Variants in ELAC1 observed in about 807,000 individuals in gnomAD.
ELAC1 encodes zinc phosphodiesterase ELAC protein 1.
A neutral mutation model predicts 25.8 loss-of-function variants in ELAC1; 19 were observed. The ratio of observed to expected loss-of-function variants is 0.74; its 90% CI spans 0.51 to 1.08. The LOEUF (loss-of-function observed/expected upper bound fraction) is 1.08. ELAC1 is among the 50% of genes least tolerant of loss of function. The pLI is 0.00. For synonymous variants in ELAC1, 148 were observed against 160.9 expected (o/e 0.92, Z 0.61); for missense variants, 403 against 434.6 (o/e 0.93, Z 0.65).
chr18:50,978,239 G>A (rs1377089170), intron 2 of ELAC1, among the ~76,000 whole-genome samples: 4 of 151,902 alleles, frequency 2.6e-5, no homozygotes, highest in Non-Finnish European at 4.4e-5. Context: ...ACATTTTCAG[G>A]TATCCTTATA....
intron 2 of ELAC1, among the ~76,000 whole-genome samples, chr18:50,982,825 T>C (rs1015392868): frequency 6.6e-6 from 1 of 152,156 alleles, no homozygotes; most frequent in Non-Finnish European, 1.5e-5. Context: ...TTCCCTCTCC[T>C]ACCTCCCTTC....
At chr18:50,986,380 G>A (rs1454539441) in intron 3 of ELAC1, among the ~76,000 whole-genome samples, 1 of 152,180 alleles carries the variant, frequency 6.6e-6, no homozygotes, top group Admixed American at 6.6e-5. Context: ...TGATACTTAG[G>A]AGACTAAAAC....
chr18:50,986,413 A>T (rs1337774655), intron 3 of ELAC1, among the ~76,000 whole-genome samples: 2 of 152,212 alleles, frequency 1.3e-5, no homozygotes, highest in South Asian at 2.1e-4. Flanking sequence ...TATGCATGGG[A>T]AATGTTTCAA....
At chr18:50,969,704 A>G (rs1051342226) in intron 1 of ELAC1, 2 of 152,216 alleles carry the variant, frequency 1.3e-5, no homozygotes, top group Non-Finnish European at 2.9e-5. Flanking sequence ...TTGTCTTATC[A>G]AGTATTCTTG....
intron 2 of ELAC1, among the ~76,000 whole-genome samples, chr18:50,980,839 T>C (rs1397332820): frequency 6.6e-6 from 1 of 151,830 alleles, no homozygotes; most frequent in African/African-American, 2.4e-5. Flanking sequence ...GCATTACCTG[T>C]GACTCTCTAG....
At chr18:50,972,606 T>C (rs1344597631) in intron 1 of ELAC1, among the ~76,000 whole-genome samples, 2 of 152,088 alleles carry the variant, frequency 1.3e-5, no homozygotes. Flanking sequence ...CTCAGCCTCC[T>C]GAAGTAGCTG....
intron 3 of ELAC1, 49 bp downstream of exon 3, chr18:50,984,612 G>T (rs181382641): frequency 1.5e-6 from 2 of 1,313,386 alleles, no homozygotes; most frequent in Admixed American, 3.8e-5. Flanking sequence ...CATCAATAGG[G>T]CTCCTGTTGA....
At chr18:50,974,356 C>T (rs368761982) in intron 1 of ELAC1, 41 bp from the exon 2 acceptor site, 3 of 1,478,682 alleles carry the variant, frequency 2.0e-6, no homozygotes, top group African/African-American at 1.4e-5. Context: ...GTTTTTGGTA[C>T]AGTGATATGA....
rs1225120871 is a variant in ELAC1 at position 50,984,226 on chromosome 18, T to C, written c.288T>C (p.Pro96=). 1.2e-6 allele frequency: 2 copies of C among 1,614,078 alleles called. No individual in the cohort carries two copies. The highest frequency in any genetic ancestry group is 2.7e-5 in the African/African-American group (2 of 74,942). The part of the protein sequence containing the change: ...VSKQPIEIYG[P]VGLRDFIWRT... ...AACAGCCTATTGAAATCTATGGCCCTGTAGGGCTTCGGGACTTTATCTGGC... is the reference window on the plus strand; with the variant it reads ...AACAGCCTATTGAAATCTATGGCCCCGTAGGGCTTCGGGACTTTATCTGGC... Residue 96 remains proline (P), a synonymous_variant, in exon 3 of 4, where the codon CCT becomes CCC. Coordinates refer to ENST00000269466, the MANE Select transcript of ELAC1 (RefSeq NM_018696.3).
intron 2 of ELAC1, among the ~76,000 whole-genome samples, chr18:50,977,417 C>T (rs773462512): frequency 9.1e-4 from 139 of 152,360 alleles, no homozygotes; most frequent in Non-Finnish European, 1.6e-3. Flanking sequence ...AACACCACAT[C>T]TAAGCTGCTA....
chr18:50,982,677 A>G (rs1184739514), intron 2 of ELAC1, among the ~76,000 whole-genome samples: 1 of 152,242 alleles, frequency 6.6e-6, no homozygotes, highest in Non-Finnish European at 1.5e-5. Context: ...CTAAGCCAAT[A>G]TGCACTGAAA....
rs1054232292 is a variant in ELAC1, at chr18:50,988,106, G to C, written c.*1021G>C. 3 of 152,160 alleles carry C rather than the reference G, an allele frequency of 2.0e-5. No homozygotes were observed. The highest frequency in any genetic ancestry group is 2.0e-4 in the Admixed American group (3 of 15,274). The allele number at this position is 152,160 out of a possible 1,614,324, so 9.4% of individuals were successfully genotyped here. A position where few individuals can be genotyped will look rare whatever the true frequency, so the allele number is the denominator to read the frequency against. On this transcript the variant is annotated 3_prime_UTR_variant, in exon 4 of 4. Coordinates refer to ENST00000269466, the MANE Select transcript of ELAC1 (RefSeq NM_018696.3). ...CATTGACGTGTCCCTATTAATAAACGTTATTTGCCCCACAATGTTTCTTAA... is the reference window on the plus strand; with the variant it reads ...CATTGACGTGTCCCTATTAATAAACCTTATTTGCCCCACAATGTTTCTTAA...
rs1599152966 is a variant in ELAC1, at chr18:50,987,184, G to A, written c.*99G>A. On this transcript the variant is annotated 3_prime_UTR_variant, in exon 4 of 4. Coordinates refer to ENST00000269466, the MANE Select transcript of ELAC1 (RefSeq NM_018696.3). ...CTTGTTTTAGTCTGAAATTATTTGG[G>A]CCCTAATAATCCTAAAAAGAATGGA... is the stretch of plus-strand genomic sequence containing the variant. 1.1e-6 allele frequency: 1 copy of A among 924,234 alleles called. No homozygotes were observed. The highest frequency in any genetic ancestry group is 1.5e-6 in the Non-Finnish European group (1 of 662,530). The allele number at this position is 924,234 out of a possible 1,614,324, so 57.3% of individuals were successfully genotyped here.
At chr18:50,973,072 G>A (rs1014806995) in intron 1 of ELAC1, among the ~76,000 whole-genome samples, 3 of 152,170 alleles carry the variant, frequency 2.0e-5, no homozygotes, top group African/African-American at 7.2e-5. Flanking sequence ...TTTGGGTGCT[G>A]TTCCTTTCCT....
At chr18:50,972,336 T>G (rs143537354) in intron 1 of ELAC1, among the ~76,000 whole-genome samples, 1 of 152,336 alleles carries the variant, frequency 6.6e-6, no homozygotes, top group South Asian at 2.1e-4. Flanking sequence ...TAGCCAATTA[T>G]GTCAGTGCCA....
chr18:50,985,541 A>G (rs543400651), intron 3 of ELAC1, among the ~76,000 whole-genome samples: 3 of 152,320 alleles, frequency 2.0e-5, no homozygotes, highest in Admixed American at 1.3e-4. Context: ...CAGGTACATT[A>G]TATCTCCAGT....
chr18:50,987,101 G>A lies in ELAC1; in HGVS notation c.*16G>A, dbSNP rs1908132765. The A allele has an allele frequency of 6.8e-7, 1 of 1,479,734 alleles. No individual in the cohort carries two copies. The highest frequency in any genetic ancestry group is 1.4e-5 in the African/African-American group (1 of 71,206). 91.7% of individuals were successfully genotyped at this position (1,479,734 alleles called of 1,614,324 possible). A position where few individuals can be genotyped will look rare whatever the true frequency, so the allele number is the denominator to read the frequency against. ...CAAGAAATGAAACCAGTGTTCCTGA[G>A]TGCACACTGACATGTCTGTGAATAT... On this transcript the variant is annotated 3_prime_UTR_variant, in exon 4 of 4. Transcript: ENST00000269466.
At chr18:50,980,154 A>C (rs1907906134) in intron 2 of ELAC1, among the ~76,000 whole-genome samples, 1 of 152,042 alleles carries the variant, frequency 6.6e-6, no homozygotes, top group Admixed American at 6.6e-5. Context: ...GCTGGGCAAC[A>C]AAAAGAGACT....
chr18:50,987,276 GA>G lies in ELAC1; in HGVS notation c.*199del, dbSNP rs139058709. 2.3e-4 allele frequency: 97 copies of G among 421,234 alleles called. 1 individual carries two copies. Among genetic ancestry groups the G allele is most frequent in the African/African-American group, 1.5e-3 (73 of 49,124 alleles). The allele number at this position is 421,234 out of a possible 1,614,324, so 26.1% of individuals were successfully genotyped here. A position where few individuals can be genotyped will look rare whatever the true frequency, so the allele number is the denominator to read the frequency against. On this transcript the variant is annotated 3_prime_UTR_variant, in exon 4 of 4. Transcript: ENST00000269466. ...TTTTTGATAATAAATCTTTTTAAGAGAAAAAAAACCCAGCATCCTTTTTGAA... is the reference window on the plus strand; with the variant it reads ...TTTTTGATAATAAATCTTTTTAAGAGAAAAAAACCCAGCATCCTTTTTGAA...
Sources: gnomAD v4.1 joint callset for allele counts (sites outside exome capture counted in the v4.1 genomes callset) on GRCh38, gnomAD v4.1.1 for gene constraint, MANE v1.5 for transcripts, NCBI Gene and HGNC (gene_info 2026-07-23, HGNC 2026-07-21) for gene names.